Variants in CDCA4 observed in about 807,000 individuals in gnomAD.
CDCA4 encodes cell division cycle-associated protein 4.
For synonymous variants in CDCA4, 130 were observed against 137.0 expected (o/e 0.95, Z 0.36); for missense variants, 294 against 322.1 (o/e 0.91, Z 0.67).
chr14:105,016,554 T>C (rs1682317104), intron 1 of CDCA4, among the ~76,000 whole-genome samples: 1 of 152,244 alleles, frequency 6.6e-6, no homozygotes, highest in Non-Finnish European at 1.5e-5. Context: ...CTGGTAAAGC[T>C]TCCTCTTGTT....
chr14:105,020,412 G>A (rs10162501), intron 1 of CDCA4, among the ~76,000 whole-genome samples: 81,352 of 152,148 alleles, frequency 0.53, 24,580 homozygotes, highest in Middle Eastern at 0.72. Context: ...TTTGCGGGGC[G>A]AGAAGCGTCT....
chr14:105,012,643 G>A (rs892422617), intron 1 of CDCA4, among the ~76,000 whole-genome samples: 29 of 152,196 alleles, frequency 1.9e-4, no homozygotes, highest in African/African-American at 7.0e-4. Flanking sequence ...GGGACACAGG[G>A]TCTCCTGGCC....
intron 1 of CDCA4, among the ~76,000 whole-genome samples, chr14:105,018,947 G>A (rs529745855): frequency 6.6e-6 from 1 of 152,202 alleles, no homozygotes; most frequent in Non-Finnish European, 1.5e-5. Context: ...ATGTTGGCCA[G>A]GCTGATCTCG....
intron 1 of CDCA4, among the ~76,000 whole-genome samples, chr14:105,016,491 TAAG>T (rs1365671413): frequency 6.6e-6 from 1 of 152,254 alleles, no homozygotes; most frequent in East Asian, 1.9e-4. Flanking sequence ...AACTGCATCC[TAAG>T]AAGGTGGAAC....
rs771699842 is a variant in CDCA4, at chr14:105,011,240, C to T, written c.690G>A (p.Glu230=). ...CCAGGATCTCCACCACGTGGTCCAG[C>T]TCGCCCAGGTCGGACTTGCAGCTGG... ...PSSSCKSDLG[E]LDHVVEILVE... is the part of the protein sequence containing the mutation. The change falls in exon 2 of 2, where the codon GAG becomes GAA. Residue 230 remains glutamate, a synonymous_variant. Transcript: ENST00000336219. 5.0e-6 allele frequency: 8 copies of T among 1,612,828 alleles called. No homozygotes were observed. The South Asian group carries it at 8.8e-5, about 18-fold the overall frequency.
chr14:105,017,331 TCTTCCCTCAA>T (rs1221556489), intron 1 of CDCA4, among the ~76,000 whole-genome samples: 1 of 151,986 alleles, frequency 6.6e-6, no homozygotes, highest in Non-Finnish European at 1.5e-5. Context: ...TCCTGCCTCA[TCTTCCCTCAA>T]CTTCCCGAGT....
chr14:105,011,287 G>C lies in CDCA4; in HGVS notation c.643C>G (p.Pro215Ala). The C allele has an allele frequency of 6.2e-7, 1 of 1,613,754 alleles. No homozygotes were observed. Among genetic ancestry groups the C allele is most frequent in the East Asian group, 2.2e-5 (1 of 44,836 alleles). The stretch of plus-strand genomic sequence containing the variant: ...CTGGAGCTAGGGCCTGGGGTGGCCG[G>C]AGCCAAGCCCTCGAGCCCTTCGCAG... ...GPCEGLEGLAPATPGPSSSCK... is the reference protein window; with the variant it reads ...GPCEGLEGLAAATPGPSSSCK... The change falls in exon 2 of 2, where the codon CCG becomes GCG. Residue 215 changes from proline (P) to alanine (A), a missense_variant. By Grantham distance (27) the Pro-to-Ala change is conservative. Transcript: ENST00000336219.
rs1465677392 is a variant in CDCA4 at position 105,011,036 on chromosome 14, G to A, written c.*168C>T. On this transcript the variant is annotated 3_prime_UTR_variant, in exon 2 of 2. Coordinates refer to ENST00000336219, the MANE Select transcript of CDCA4 (RefSeq NM_017955.4). The stretch of plus-strand genomic sequence containing the variant: ...CGCTCCACAGGGGGGAGGTGAGTGG[G>A]ACGGGCCTAGGGCTGCAGCCCCACT... 1.3e-6 allele frequency: 1 copy of A among 793,454 alleles called. No individual in the cohort carries two copies. Among genetic ancestry groups the A allele is most frequent in the Non-Finnish European group, 1.9e-6 (1 of 515,656 alleles). The allele number at this position is 793,454 out of a possible 1,614,324, so 49.2% of individuals were successfully genotyped here.
chr14:105,013,033 TGTTG>T (rs1900549459), intron 1 of CDCA4, among the ~76,000 whole-genome samples: 2 of 152,358 alleles, frequency 1.3e-5, no homozygotes, highest in Non-Finnish European at 2.9e-5. Context: ...GCACTGGCGC[TGTTG>T]GTTGAAGATG....
At position 105,010,366 on chromosome 14, in the gene CDCA4, CTA is replaced by C. The variant is rs1183248698; in HGVS notation, c.*836_*837del. On this transcript the variant is annotated 3_prime_UTR_variant, in exon 2 of 2. Coordinates refer to ENST00000336219, the MANE Select transcript of CDCA4 (RefSeq NM_017955.4). ...GCCTTGAGAAGGCACCACCGAGGGG[CTA>C]TGAGGTCCCTGAAGACCAACTGGTG... is the stretch of plus-strand genomic sequence containing the variant. 8.5e-5 allele frequency: 13 copies of C among 152,364 alleles called. No homozygotes were observed. The highest frequency in any genetic ancestry group is 8.5e-4 in the Admixed American group (13 of 15,282). The allele number at this position is 152,364 out of a possible 1,614,324, so 9.4% of individuals were successfully genotyped here.
chr14:105,011,165 A>G lies in CDCA4; in HGVS notation c.*39T>C. On this transcript the variant is annotated 3_prime_UTR_variant, in exon 2 of 2. Coordinates refer to ENST00000336219, the MANE Select transcript of CDCA4 (RefSeq NM_017955.4). The stretch of plus-strand genomic sequence containing the variant: ...CCGTGGGAGCCAGTGCTCACGTGTC[A>G]ATGCGTCAGAGGCGGCTGTGAGCAC... 1 of 1,562,086 alleles carries G rather than the reference A, an allele frequency of 6.4e-7. No individual in the cohort carries two copies.
chr14:105,020,571 T>A (rs1317596504), intron 1 of CDCA4, among the ~76,000 whole-genome samples: 10 of 152,062 alleles, frequency 6.6e-5, no homozygotes, highest in Admixed American at 6.5e-4. Flanking sequence ...CGCGGCCCTC[T>A]CCGCGGCCGG....
rs1280794623 is a variant in CDCA4 at position 105,021,076 on chromosome 14, G to A, written c.-84C>T. 4.6e-5 allele frequency: 7 copies of A among 152,498 alleles called. No homozygotes were observed. The highest frequency in any genetic ancestry group is 3.3e-4 in the Admixed American group (5 of 15,228). The allele number at this position is 152,498 out of a possible 1,614,324, so 9.4% of individuals were successfully genotyped here. A position where few individuals can be genotyped will look rare whatever the true frequency, so the allele number is the denominator to read the frequency against. On this transcript the variant is annotated 5_prime_UTR_variant, in exon 1 of 2. Transcript: ENST00000336219. The stretch of plus-strand genomic sequence containing the variant: ...CTGCCGCCAGCTTCCCGCCGCTGAG[G>A]AAGGAGCGCCCGACGGCGCGGGGCG...
At chr14:105,017,867 A>G (rs1031226418) in intron 1 of CDCA4, among the ~76,000 whole-genome samples, 1 of 152,006 alleles carries the variant, frequency 6.6e-6, no homozygotes, top group African/African-American at 2.4e-5. Context: ...AAACACTTAA[A>G]ACAAGTTGAA....
intron 1 of CDCA4, among the ~76,000 whole-genome samples, chr14:105,017,645 C>G (rs1248727034): frequency 6.6e-6 from 1 of 151,902 alleles, no homozygotes; most frequent in Non-Finnish European, 1.5e-5. Flanking sequence ...TCCTGGCCAA[C>G]ACGATGAAAC....
At chr14:105,017,774 T>C (rs1284215384) in intron 1 of CDCA4, among the ~76,000 whole-genome samples, 2 of 151,768 alleles carry the variant, frequency 1.3e-5, no homozygotes, top group Non-Finnish European at 2.9e-5. Flanking sequence ...GAGGTTGCAG[T>C]GAGCAGAGAT....
chr14:105,020,481 G>C (rs1880707464), intron 1 of CDCA4, among the ~76,000 whole-genome samples: 1 of 152,234 alleles, frequency 6.6e-6, no homozygotes, highest in African/African-American at 2.4e-5. Context: ...ACTTTCCCTA[G>C]TCCCACCTCG....
In CDCA4 at chr14:105,020,587, G is replaced by C. The variant is rs183742968; in HGVS notation, c.-7+412C>G. Among the ~76,000 whole-genome samples the C allele has an allele frequency of 9.1e-3, 1,392 of 152,296 alleles. 22 individuals are homozygous for C. Among genetic ancestry groups the C allele is most frequent in the African/African-American group, 0.032 (1,330 of 41,568 alleles). ...GCGGCCCTCTCCGCGGCCGGGCTCC[G>C]ACAGAGGGGGCTGCGGCGCGCCTGG... On this transcript the variant is annotated intron_variant, in intron 1 of 1. Coordinates refer to ENST00000336219, the MANE Select transcript of CDCA4 (RefSeq NM_017955.4).
At position 105,011,001 on chromosome 14, in the gene CDCA4, C is replaced by T. The variant is rs1900483057; in HGVS notation, c.*203G>A. On this transcript the variant is annotated 3_prime_UTR_variant, in exon 2 of 2. Transcript: ENST00000336219. ...AAGACAAGAAGCCTTCCAGAACAGC[C>T]TCTGCCTGGCGCTCCACAGGGGGGA... The T allele has an allele frequency of 6.4e-6, 4 of 626,694 alleles. No homozygotes were observed. Among genetic ancestry groups the T allele is most frequent in the Non-Finnish European group, 1.1e-5 (4 of 366,794 alleles). The allele number at this position is 626,694 out of a possible 1,614,324, so 38.8% of individuals were successfully genotyped here. A position where few individuals can be genotyped will look rare whatever the true frequency, so the allele number is the denominator to read the frequency against.
Sources: allele counts gnomAD v4.1 joint callset (sites outside exome capture counted in the v4.1 genomes callset), GRCh38; gene constraint gnomAD v4.1.1; transcripts MANE v1.5; gene names NCBI Gene and HGNC (gene_info 2026-07-23, HGNC 2026-07-21).